TAGAP: variants seen among roughly 807,000 people sequenced by gnomAD.
TAGAP encodes T cell activation RhoGTPase activating protein.
A neutral mutation model predicts 36.0 loss-of-function variants in TAGAP; 16 were observed. The observed-to-expected ratio is 0.44, with a 90% CI of 0.30 to 0.68. The LOEUF (loss-of-function observed/expected upper bound fraction) is 0.68. Among genes scored for constraint, TAGAP ranks in the 30% least tolerant of loss-of-function variants. The pLI is 0.09. For missense variants in TAGAP, 794 were observed against 921.5 expected, an observed-to-expected ratio of 0.86 and a Z score of 1.79; for synonymous variants, 372 against 377.4, an observed-to-expected ratio of 0.99 and a Z score of 0.17.
chr6:159,041,227 G>GA lies in TAGAP; in HGVS notation c.477+126dup. On this transcript the variant is annotated intron_variant, in intron 6 of 9. Coordinates refer to ENST00000367066, the MANE Select transcript of TAGAP (RefSeq NM_054114.5). This position sits in a 1 kb window ranked among gnomAD's most constrained non-coding sequence, Gnocchi z 4.1. ...TAAATAAATAAATAAAGGGCTTAAT[G>GA]AAAAAAATTAAACTCCAAGATCAGT... The GA allele has an allele frequency of 5.8e-6, 7 of 1,198,124 alleles. 1 individual carries two copies. The highest frequency in any genetic ancestry group is 3.1e-5 in the South Asian group (2 of 63,826). The allele number at this position is 1,198,124 out of a possible 1,614,324, so 74.2% of individuals were successfully genotyped here.
chr6:159,043,872 T>C, intron 3 of TAGAP, 106 bp downstream of exon 3: 2 of 1,107,370 alleles, frequency 1.8e-6, no homozygotes, highest in South Asian at 2.8e-5. Flanking sequence ...GTGATGTTAG[T>C]TTACTACTCT....
Position 159,036,623 on chromosome 6 carries a change from G to T in TAGAP, c.1400C>A (p.Ala467Glu), listed in dbSNP as rs1159612053. The change falls in exon 10 of 10, where the codon GCG (alanine) becomes GAG (glutamate). Residue 467 changes from alanine (A) to glutamate (E), a missense_variant. By Grantham distance (107) the Ala-to-Glu change is moderately radical. Coordinates refer to ENST00000367066, the MANE Select transcript of TAGAP (RefSeq NM_054114.5). This position sits in a 1 kb window ranked among gnomAD's most constrained non-coding sequence, Gnocchi z 4.9. Reference protein sequence around the residue: ...LKAFSSSSLDASSDSSPVASP... With the variant: ...LKAFSSSSLDESSDSSPVASP... ...AGCCACGGGCGAGCTGTCAGAGGAC[G>T]CGTCCAGCGAGCTGCTGGAGAAGGC... is the stretch of plus-strand genomic sequence containing the variant. 7 of 1,614,134 alleles carry T rather than the reference G, an allele frequency of 4.3e-6. No homozygotes were observed. The highest frequency in any genetic ancestry group is 5.9e-6 in the Non-Finnish European group (7 of 1,179,984).
At chr6:159,039,063 C>G in intron 8 of TAGAP, 51 bp downstream of exon 8, 2 of 1,609,966 alleles carry the variant, frequency 1.2e-6, no homozygotes, top group African/African-American at 1.3e-5. Context: ...ACTTGGCAAA[C>G]AGATGGTGAG....
rs1779730139 is a variant in TAGAP at position 159,041,073 on chromosome 6, G to T, written c.478-241C>A. On this transcript the variant is annotated intron_variant, in intron 6 of 9. Transcript: ENST00000367066. This position sits in a 1 kb window ranked among gnomAD's most constrained non-coding sequence, Gnocchi z 4.1. ...ATCCCCAGGTGGGTGTGTTCTGAGG[G>T]GCCACTGGATTTTGACGTATGGATT... is the stretch of plus-strand genomic sequence containing the variant. 1 of 584,162 alleles carries T rather than the reference G, an allele frequency of 1.7e-6. No individual in the cohort carries two copies. The highest frequency in any genetic ancestry group is 2.9e-5 in the East Asian group (1 of 34,920). 36.2% of individuals were successfully genotyped at this position (584,162 alleles called of 1,614,324 possible).
intron 8 of TAGAP, 67 bp downstream of exon 8, chr6:159,039,047 G>A (rs1200358626): frequency 1.2e-6 from 2 of 1,605,626 alleles, no homozygotes; most frequent in Admixed American, 3.3e-5. Context: ...GCATTTTATT[G>A]CCTGGACTTG....
chr6:159,044,788 A>G (rs1779871605), intron 1 of TAGAP, 91 bp downstream of exon 1: 2 of 396,368 alleles, frequency 5.0e-6, no homozygotes, highest in East Asian at 7.1e-5. Context: ...ATTCCACGGG[A>G]TAGCTGTTTT....
At chr6:159,043,876 C>G (rs1371873095) in intron 3 of TAGAP, 102 bp downstream of exon 3, 1 of 1,123,290 alleles carries the variant, frequency 8.9e-7, no homozygotes, top group Non-Finnish European at 1.3e-6. Context: ...TGTTAGTTTA[C>G]TACTCTTATA....
At position 159,035,918 on chromosome 6, in the gene TAGAP, T is replaced by G. The variant is rs747847015; in HGVS notation, c.2105A>C (p.Gln702Pro). ...CACGAGACAGTCCCGCTTATTCCTC[T>G]GCACGGACTCGGAGACGGTCCTCAG... Reference protein sequence around the residue: ...LPLRTVSESVQRNKRDCLVRR... With the variant: ...LPLRTVSESVPRNKRDCLVRR... The change falls in exon 10 of 10, where the codon CAG becomes CCG. Residue 702 changes from glutamine to proline, a missense_variant. Gln to Pro is a moderately conservative substitution (Grantham distance 76). Coordinates refer to ENST00000367066, the MANE Select transcript of TAGAP (RefSeq NM_054114.5). The G allele has an allele frequency of 6.2e-7, 1 of 1,614,196 alleles. No homozygotes were observed.
In TAGAP at chr6:159,038,219, G is replaced by C. The variant is rs758549217; in HGVS notation, c.793C>G (p.Leu265Val). The change falls in exon 9 of 10, where the codon CTG (leucine) becomes GTG (valine). Residue 265 changes from leucine (L) to valine (V), a missense_variant. Physicochemically the swap from Leu to Val is conservative, Grantham distance 32. Transcript: ENST00000367066. ...QKDLNNKVKTLVEFLIDNCFE... is the reference protein window; with the variant it reads ...QKDLNNKVKTVVEFLIDNCFE... ...CAGTTATCAATGAGGAATTCCACCA[G>C]TGTCTTCACCTGTGAGGAAAAGTAA... 1.9e-6 allele frequency: 3 copies of C among 1,573,002 alleles called. No homozygotes were observed. The highest frequency in any genetic ancestry group is 2.7e-5 in the African/African-American group (2 of 73,430).
At chr6:159,042,053 G>A (rs1405224134) in intron 5 of TAGAP, 25 bp downstream of exon 5, 3 of 1,593,598 alleles carry the variant, frequency 1.9e-6, no homozygotes, top group Non-Finnish European at 1.7e-6. Context: ...AACTGAAGTA[G>A]GTTTATGAGA....
chr6:159,041,715 T>C lies in TAGAP; in HGVS notation c.316-200A>G. ...GCACTTTCTAAAATCACTTTGGAGCTCTCTCCTTTCAAATACTTCCATATG... is the reference window on the plus strand; with the variant it reads ...GCACTTTCTAAAATCACTTTGGAGCCCTCTCCTTTCAAATACTTCCATATG... On this transcript the variant is annotated intron_variant, in intron 5 of 9. Transcript: ENST00000367066. The surrounding 1 kb of genome is among the most constrained non-coding windows in gnomAD (Gnocchi z 4.1). The C allele has an allele frequency of 3.4e-6, 2 of 592,760 alleles. No homozygotes were observed. The highest frequency in any genetic ancestry group is 4.7e-5 in the South Asian group (2 of 42,552). The allele number at this position is 592,760 out of a possible 1,614,324, so 36.7% of individuals were successfully genotyped here.
chr6:159,035,757 T>C lies in TAGAP; in HGVS notation c.*70A>G. On this transcript the variant is annotated 3_prime_UTR_variant, in exon 10 of 10. Transcript: ENST00000367066. ...TATTCAAGACCTTTTAAAAACAATCTACAGGCAGTTCTTTACAAGTCTCAT... is the reference window on the plus strand; with the variant it reads ...TATTCAAGACCTTTTAAAAACAATCCACAGGCAGTTCTTTACAAGTCTCAT... The C allele has an allele frequency of 4.1e-6, 6 of 1,470,190 alleles. No individual in the cohort carries two copies. The highest frequency in any genetic ancestry group is 5.5e-6 in the Non-Finnish European group (6 of 1,096,604). The allele number at this position is 1,470,190 out of a possible 1,614,324, so 91.1% of individuals were successfully genotyped here.
At chr6:159,038,990 A>T in intron 8 of TAGAP, 124 bp downstream of exon 8, 1 of 1,554,604 alleles carries the variant, frequency 6.4e-7, no homozygotes, top group Non-Finnish European at 8.7e-7. Flanking sequence ...AGCATTTTGC[A>T]TTTTATATTT....
At position 159,038,239 on chromosome 6, in the gene TAGAP, AAGT is replaced by A. The variant is rs1302710485; in HGVS notation, c.784-14_784-12del. 1.3e-6 allele frequency: 2 copies of A among 1,502,054 alleles called. No individual in the cohort carries two copies. Among genetic ancestry groups the A allele is most frequent in the South Asian group, 2.4e-5 (2 of 84,988 alleles). 93.0% of individuals were successfully genotyped at this position (1,502,054 alleles called of 1,614,324 possible). A position where few individuals can be genotyped will look rare whatever the true frequency, so the allele number is the denominator to read the frequency against. On this transcript the variant is annotated splice_polypyrimidine_tract_variant and intron_variant, in intron 8 of 9. Coordinates refer to ENST00000367066, the MANE Select transcript of TAGAP (RefSeq NM_054114.5). ...CACCAGTGTCTTCACCTGTGAGGAA[AAGT>A]AAGCAATTTGTCAGCTTGAAGACTT...
intron 8 of TAGAP, 86 bp downstream of exon 8, chr6:159,039,028 C>T (rs1779656911): frequency 6.2e-7 from 1 of 1,600,476 alleles, no homozygotes; most frequent in Admixed American, 1.7e-5. Context: ...CAGTTGGAGA[C>T]ATTCTGAAGC....
rs1487624690 is a variant in TAGAP, at chr6:159,039,184, C to G, written c.713G>C (p.Gly238Ala). 3 of 1,614,126 alleles carry G rather than the reference C, an allele frequency of 1.9e-6. No individual in the cohort carries two copies. The highest frequency in any genetic ancestry group is 2.5e-6 in the Non-Finnish European group (3 of 1,180,026). ...MDSSNLAICI[G>A]PNMLTLENDQ... ...ATTCTCCAGGGTGAGCATGTTGGGT[C>G]CAATGCAGATGGCCAGATTGCTGGA... Residue 238 changes from glycine (G) to alanine (A), a missense_variant, in exon 8 of 10, where the codon GGA becomes GCA. Gly to Ala is a moderately conservative substitution (Grantham distance 60). Transcript: ENST00000367066.
At position 159,040,818 on chromosome 6, in the gene TAGAP, A is replaced by G. The variant is rs1779721253; in HGVS notation, c.492T>C (p.Ser164=). The G allele has an allele frequency of 6.2e-7, 1 of 1,613,944 alleles. No individual in the cohort carries two copies. Among genetic ancestry groups the G allele is most frequent in the African/African-American group, 1.3e-5 (1 of 74,910 alleles). Residue 164 remains serine (S), a synonymous_variant, in exon 7 of 10, where the codon AGT becomes AGC. Transcript: ENST00000367066. ...LAVVFKDFLR[S]IPRKLLSSDL... ...CGCTTGAAAGTAGCTTCCGGGGGATACTTCTGAGGAAGTCCTGGGGGATGA... is the reference window on the plus strand; with the variant it reads ...CGCTTGAAAGTAGCTTCCGGGGGATGCTTCTGAGGAAGTCCTGGGGGATGA...
In TAGAP at chr6:159,042,171, A is replaced by C; in HGVS notation, c.222T>G (p.Ser74=). 1 of 1,614,208 alleles carries C rather than the reference A, an allele frequency of 6.2e-7. No homozygotes were observed. Among genetic ancestry groups the C allele is most frequent in the African/African-American group, 1.3e-5 (1 of 75,042 alleles). Residue 74 remains serine (S), a synonymous_variant, in exon 5 of 10, where the codon TCT becomes TCG. Transcript: ENST00000367066. ...CTTTCAAGTCTGTCTCCAAAGCCCCAGAAAAATCTGATGCAGGGGAGAGCC... is the reference window on the plus strand; with the variant it reads ...CTTTCAAGTCTGTCTCCAAAGCCCCCGAAAAATCTGATGCAGGGGAGAGCC... ...MRRLSPASDF[S]GALETDLKAS...
intron 8 of TAGAP, among the ~76,000 whole-genome samples, chr6:159,038,449 C>G (rs1457708383): frequency 6.6e-6 from 1 of 151,122 alleles, no homozygotes; most frequent in African/African-American, 2.4e-5. Flanking sequence ...AGTGCAGTAG[C>G]CTGATCTCAG....
Sources: allele counts gnomAD v4.1 joint callset (sites outside exome capture counted in the v4.1 genomes callset), GRCh38; gene constraint gnomAD v4.1.1; non-coding constraint Gnocchi (gnomAD v3.1); transcripts MANE v1.5; gene names NCBI Gene and HGNC (gene_info 2026-07-23, HGNC 2026-07-21).